Variants in HS6ST2 observed in about 807,000 individuals in gnomAD.
The protein encoded by HS6ST2 is heparan-sulfate 6-O-sulfotransferase 2.
A neutral mutation model predicts 33.0 loss-of-function variants in HS6ST2; 17 were observed. That is an observed-to-expected ratio of 0.52 (90% CI 0.35 to 0.77). The LOEUF (loss-of-function observed/expected upper bound fraction) is 0.77. Ranked by LOEUF, HS6ST2 falls within the 30% of genes least tolerant of loss-of-function variation. The pLI is 0.01. For missense variants in HS6ST2, 519 were observed against 551.7 expected (o/e 0.94, Z 0.59); for synonymous variants, 248 against 237.1 (o/e 1.05, Z -0.42).
At chrX:132,796,962 T>C (rs1213332512) in intron 2 of HS6ST2, among the ~76,000 whole-genome samples, 1 of 111,364 alleles carries the variant, frequency 9.0e-6, no homozygotes, top group Non-Finnish European at 1.9e-5. Context: ...GAAAGGAAAA[T>C]TTAGGGTGAA....
At chrX:132,819,306 G>A (rs1374872188) in intron 2 of HS6ST2, among the ~76,000 whole-genome samples, 2 of 111,609 alleles carry the variant, frequency 1.8e-5, no homozygotes, top group East Asian at 5.6e-4. Context: ...ATAGCAAACG[G>A]ACCTAACAAG....
intron 2 of HS6ST2, among the ~76,000 whole-genome samples, chrX:132,905,578 T>C (rs751623776): frequency 8.9e-6 from 1 of 111,870 alleles, no homozygotes; most frequent in East Asian, 2.8e-4. Flanking sequence ...TCCACTGGTC[T>C]GGACAACTAC....
At chrX:132,865,687 A>G (rs1314567586) in intron 2 of HS6ST2, among the ~76,000 whole-genome samples, 8 of 111,813 alleles carry the variant, frequency 7.2e-5, no homozygotes, top group Non-Finnish European at 1.5e-4. Context: ...GTGTGAGATG[A>G]TATCTCATTG....
At chrX:132,791,723 T>A (rs985834171) in intron 2 of HS6ST2, among the ~76,000 whole-genome samples, 11 of 111,072 alleles carry the variant, frequency 9.9e-5, no homozygotes, top group African/African-American at 3.6e-4. Flanking sequence ...AGTGTACAGC[T>A]CAATGTTTTG....
intron 2 of HS6ST2, among the ~76,000 whole-genome samples, chrX:132,951,736 A>C (rs1157466904): frequency 8.9e-6 from 1 of 111,747 alleles, no homozygotes; most frequent in East Asian, 2.8e-4. Context: ...AACTGCTAGC[A>C]CCATGCCAGA....
At chrX:132,952,018 C>A (rs1296064690) in intron 2 of HS6ST2, among the ~76,000 whole-genome samples, 1 of 111,781 alleles carries the variant, frequency 8.9e-6, no homozygotes, top group Non-Finnish European at 1.9e-5. Flanking sequence ...TAATGAATGA[C>A]AGAAAAAAAC....
At position 132,784,133 on chromosome X, in the gene HS6ST2, C is replaced by A. The variant is rs190190824; in HGVS notation, c.948-75639G>T. On this transcript the variant is annotated intron_variant, in intron 2 of 4. Coordinates refer to ENST00000370833, the MANE Select transcript of HS6ST2 (RefSeq NM_001394073.1). ...GTTGCAAGCGGATGGATGAGCAGAG[C>A]AGAAAAATATCCCCAAATTCAACAA... Among the ~76,000 whole-genome samples the A allele has an allele frequency of 2.2e-4, 24 of 111,227 alleles. No individual in the cohort carries two copies. The East Asian group carries it at 5.4e-3, about 25-fold the overall frequency.
At position 132,956,794 on chromosome X, in the gene HS6ST2, CGG is replaced by C. The variant is rs757494350; in HGVS notation, c.947+12_947+13del. On this transcript the variant is annotated intron_variant, in intron 2 of 4. Coordinates refer to ENST00000370833, the MANE Select transcript of HS6ST2 (RefSeq NM_001394073.1). ...CTAGGCCCGGGTCCCGCTCGACTAC[CGG>C]CGCGCACTCACCTGGACGGTCTCAG... The C allele has an allele frequency of 5.1e-5, 58 of 1,147,829 alleles. No individual in the cohort carries two copies. Among genetic ancestry groups the C allele is most frequent in the Non-Finnish European group, 2.7e-5 (23 of 860,997 alleles). The allele number at this position is 1,147,829 out of a possible 1,213,427, so 94.6% of individuals were successfully genotyped here. A position where few individuals can be genotyped will look rare whatever the true frequency, so the allele number is the denominator to read the frequency against.
intron 2 of HS6ST2, among the ~76,000 whole-genome samples, chrX:132,869,135 G>A (rs764614923): frequency 9.0e-6 from 1 of 111,404 alleles, no homozygotes; most frequent in Non-Finnish European, 1.9e-5. Context: ...ACTACCATCA[G>A]AGAATACTAT....
At chrX:132,915,069 A>C (rs1176561669) in intron 2 of HS6ST2, among the ~76,000 whole-genome samples, 3 of 112,356 alleles carry the variant, frequency 2.7e-5, no homozygotes, top group African/African-American at 9.7e-5. Context: ...CTGGACACAG[A>C]TTACCCAAAG....
intron 4 of HS6ST2, among the ~76,000 whole-genome samples, 168 bp downstream of exon 4, chrX:132,668,945 T>C (rs765039323): frequency 1.8e-5 from 2 of 111,641 alleles, no homozygotes; most frequent in South Asian, 7.7e-4. Flanking sequence ...CCAATATTAC[T>C]GACACATGCC....
chrX:132,882,285 TC>T (rs1234536316), intron 2 of HS6ST2, among the ~76,000 whole-genome samples: 3 of 111,554 alleles, frequency 2.7e-5, no homozygotes, highest in Admixed American at 1.9e-4. Context: ...TTTGTTTGTG[TC>T]CTCTTTTATT....
intron 2 of HS6ST2, among the ~76,000 whole-genome samples, chrX:132,949,876 T>C (rs1298088164): frequency 9.0e-6 from 1 of 111,281 alleles, no homozygotes; most frequent in Non-Finnish European, 1.9e-5. Flanking sequence ...GCTCGCTATC[T>C]TTTTTTCTTT....
intron 2 of HS6ST2, among the ~76,000 whole-genome samples, chrX:132,953,407 C>T (rs985685312): frequency 1.8e-5 from 2 of 111,462 alleles, no homozygotes; most frequent in East Asian, 2.8e-4. Flanking sequence ...AACGTGATCA[C>T]GGTTGTTTCT....
At chrX:132,690,547 T>A (rs2064055327) in intron 3 of HS6ST2, among the ~76,000 whole-genome samples, 1 of 112,198 alleles carries the variant, frequency 8.9e-6, no homozygotes, top group Non-Finnish European at 1.9e-5. Context: ...CCTTAGCCTG[T>A]TCTCTTTATC....
intron 2 of HS6ST2, among the ~76,000 whole-genome samples, chrX:132,923,436 A>T (rs17000367): frequency 0.017 from 1,886 of 111,480 alleles, 42 homozygotes; most frequent in African/African-American, 0.057. Flanking sequence ...TTACAAGAGC[A>T]ACACTTTCTT....
intron 2 of HS6ST2, among the ~76,000 whole-genome samples, chrX:132,777,899 G>C (rs1425847110): frequency 8.9e-6 from 1 of 112,067 alleles, no homozygotes; most frequent in East Asian, 2.8e-4. Context: ...TGGAACTTGA[G>C]AGAACAGTTC....
chrX:132,783,562 C>T (rs1602671055), intron 2 of HS6ST2, among the ~76,000 whole-genome samples: 1 of 111,046 alleles, frequency 9.0e-6, no homozygotes, highest in African/African-American at 3.3e-5. Context: ...CAAAGTAGGC[C>T]CTGGGGTCCC....
At chrX:132,683,474 G>A (rs1176597887) in intron 3 of HS6ST2, among the ~76,000 whole-genome samples, 4 of 111,977 alleles carry the variant, frequency 3.6e-5, no homozygotes. Context: ...TGAAAGTCAA[G>A]TAAGACACCA....
Sources: allele counts gnomAD v4.1 joint callset (sites outside exome capture counted in the v4.1 genomes callset), GRCh38; gene constraint gnomAD v4.1.1; transcripts MANE v1.5; gene names NCBI Gene and HGNC (gene_info 2026-07-23, HGNC 2026-07-21).